The following NTRK2 variants were observed in gnomAD, a reference collection of about 807,000 sequenced individuals.
The protein encoded by NTRK2 is BDNF/NT-3 growth factors receptor.
A neutral mutation model predicts 94.5 loss-of-function variants in NTRK2; 13 were observed. That is an observed-to-expected ratio of 0.14 (90% CI 0.09 to 0.22). NTRK2 has a LOEUF of 0.22. NTRK2 is among the 10% of genes least tolerant of loss of function. The probability of loss-of-function intolerance (pLI) is 1.00; values close to 1 mark genes in which losing one functional copy is unlikely to be tolerated. For missense variants in NTRK2, 639 were observed against 1,071.2 expected, an observed-to-expected ratio of 0.60 and a Z score of 5.63; for synonymous variants, 372 against 407.4, an observed-to-expected ratio of 0.91 and a Z score of 1.05.
At chr9:84,744,734 G>A (rs2063916692) in intron 10 of NTRK2, among the ~76,000 whole-genome samples, 1 of 152,126 alleles carries the variant, frequency 6.6e-6, no homozygotes, top group Non-Finnish European at 1.5e-5. Context: ...GTTTGGGGCT[G>A]ACCAACAAGA....
At chr9:84,989,375 T>C (rs1005589826) in intron 17 of NTRK2, among the ~76,000 whole-genome samples, 1 of 152,262 alleles carries the variant, frequency 6.6e-6, no homozygotes, top group African/African-American at 2.4e-5. Flanking sequence ...TAGATATTTA[T>C]GGAATGTCTA....
chr9:84,794,792 A>ATT (rs969099794), intron 12 of NTRK2, among the ~76,000 whole-genome samples: 1 of 152,060 alleles, frequency 6.6e-6, no homozygotes, highest in African/African-American at 2.4e-5. Context: ...GTAGGTTGGA[A>ATT]TTTTTTTCTC....
At chr9:84,906,699 A>G (rs1377593244) in intron 14 of NTRK2, among the ~76,000 whole-genome samples, 1 of 152,120 alleles carries the variant, frequency 6.6e-6, no homozygotes, top group African/African-American at 2.4e-5. Context: ...GTGGATGGTA[A>G]TGATTCCAGT....
chr9:84,885,174 C>T (rs1288375182), intron 14 of NTRK2, among the ~76,000 whole-genome samples: 1 of 152,188 alleles, frequency 6.6e-6, no homozygotes, highest in Non-Finnish European at 1.5e-5. Context: ...CCAGGCTACT[C>T]AGTTCTGCAA....
At chr9:84,985,985 A>G (rs1828241991) in intron 17 of NTRK2, among the ~76,000 whole-genome samples, 1 of 152,340 alleles carries the variant, frequency 6.6e-6, no homozygotes, top group African/African-American at 2.4e-5. Flanking sequence ...TAATGAGCAT[A>G]TTCCTGCAGC....
chr9:84,968,414 G>A (rs1312398755), intron 17 of NTRK2, among the ~76,000 whole-genome samples: 1 of 152,176 alleles, frequency 6.6e-6, no homozygotes, highest in African/African-American at 2.4e-5. Context: ...AGCTGTGTTG[G>A]TTGCAAGAAG....
chr9:84,831,509 G>A (rs1322076140), intron 12 of NTRK2, among the ~76,000 whole-genome samples: 3 of 152,124 alleles, frequency 2.0e-5, no homozygotes, highest in Admixed American at 6.5e-5. Flanking sequence ...ACCCAGGAGA[G>A]GCACTTTAGC....
chr9:84,924,808 T>C (rs2077700617), intron 14 of NTRK2, among the ~76,000 whole-genome samples: 1 of 152,144 alleles, frequency 6.6e-6, no homozygotes, highest in African/African-American at 2.4e-5. Context: ...TTGCTCTCAT[T>C]TGGGGTATTA....
intron 2 of NTRK2, among the ~76,000 whole-genome samples, chr9:84,695,611 A>T (rs2060328624): frequency 6.6e-6 from 1 of 152,234 alleles, no homozygotes; most frequent in South Asian, 2.1e-4. Flanking sequence ...TTTGGTGACA[A>T]CACAAAACAA....
chr9:84,680,754 C>T (rs2059342664), intron 2 of NTRK2, among the ~76,000 whole-genome samples: 1 of 152,158 alleles, frequency 6.6e-6, no homozygotes, highest in African/African-American at 2.4e-5. Flanking sequence ...TGTCTATTTT[C>T]CTATCTCTTA....
At chr9:84,954,268 GC>G (rs1262702700) in intron 16 of NTRK2, among the ~76,000 whole-genome samples, 1 of 152,196 alleles carries the variant, frequency 6.6e-6, no homozygotes. Flanking sequence ...GCCCCCTCAG[GC>G]CACCAGGGGC....
intron 12 of NTRK2, among the ~76,000 whole-genome samples, chr9:84,854,206 T>C (rs2074943705): frequency 6.6e-6 from 1 of 152,142 alleles, no homozygotes. Flanking sequence ...TCCTCAGCTT[T>C]GGGATGGGAT....
At chr9:84,736,832 G>C (rs2132230183) in intron 9 of NTRK2, among the ~76,000 whole-genome samples, 1 of 152,280 alleles carries the variant, frequency 6.6e-6, no homozygotes, top group East Asian at 1.9e-4. Context: ...CTGCTATATA[G>C]CAAATGAGTG....
chr9:84,794,987 T>C (rs112181018), intron 12 of NTRK2, among the ~76,000 whole-genome samples: 2,235 of 152,210 alleles, frequency 0.015, 47 homozygotes, highest in East Asian at 0.073. Flanking sequence ...ACATCTACTG[T>C]CTTAATTCCC....
chr9:85,015,952 G>A (rs1832177747), intron 17 of NTRK2, among the ~76,000 whole-genome samples: 2 of 152,278 alleles, frequency 1.3e-5, no homozygotes, highest in South Asian at 4.1e-4. Context: ...GAAAGGTTTG[G>A]TATGTGGCTT....
chr9:84,784,263 G>A (rs146567047), intron 12 of NTRK2, among the ~76,000 whole-genome samples: 11 of 152,242 alleles, frequency 7.2e-5, no homozygotes, highest in East Asian at 5.8e-4. Flanking sequence ...ATAGTGATGC[G>A]TGATACAAAT....
intron 14 of NTRK2, 78 bp downstream of exon 14, chr9:84,867,509 T>G: frequency 8.2e-7 from 1 of 1,225,040 alleles, no homozygotes; most frequent in Non-Finnish European, 1.2e-6. Context: ...GAGCCCCTGA[T>G]AGGGATGACT....
rs1299768692 is a variant in NTRK2 at position 84,852,181 on chromosome 9, C to T, written c.1397-8859C>T. Reference sequence around the variant, plus strand: ...CAGACTCTGCGGACTTGTTAGTCTCCTGCAGGGCCACTAACATCGCTTCTA... The same window carrying T: ...CAGACTCTGCGGACTTGTTAGTCTCTTGCAGGGCCACTAACATCGCTTCTA... On this transcript the variant is annotated intron_variant, in intron 12 of 18. Transcript: ENST00000277120. Among the ~76,000 whole-genome samples, 3 of 152,188 alleles carry T rather than the reference C, an allele frequency of 2.0e-5. No homozygotes were observed. The East Asian group carries it at 5.8e-4, about 29-fold the overall frequency.
intron 17 of NTRK2, among the ~76,000 whole-genome samples, chr9:84,967,404 A>G (rs1037627332): frequency 2.6e-5 from 4 of 152,254 alleles, no homozygotes; most frequent in African/African-American, 9.6e-5. Flanking sequence ...CAGGAAATGC[A>G]AGAAAAGGCT....
Sources: gnomAD v4.1 joint callset for allele counts (sites outside exome capture counted in the v4.1 genomes callset) on GRCh38, gnomAD v4.1.1 for gene constraint, MANE v1.5 for transcripts, NCBI Gene and HGNC (gene_info 2026-07-23, HGNC 2026-07-21) for gene names.